The following OTUD3 variants were observed in gnomAD, a reference collection of about 807,000 sequenced individuals.
OTUD3 encodes the protein OTU domain-containing protein 3.
Under a neutral mutation model 46.2 loss-of-function variants are expected in OTUD3, and 24 were observed. The ratio of observed to expected loss-of-function variants is 0.52; its 90% CI spans 0.38 to 0.73. The LOEUF is 0.73. OTUD3 is among the 30% of genes least tolerant of loss of function. OTUD3 has a pLI of 0.00. For missense variants in OTUD3, 455 were observed against 523.3 expected (o/e 0.87, Z 1.27); for synonymous variants, 189 against 195.4 (o/e 0.97, Z 0.27).
chr1:19,897,647 A>G lies in OTUD3; in HGVS notation c.591A>G (p.Ala197=), dbSNP rs201099048. The G allele has an allele frequency of 6.2e-7, 1 of 1,613,416 alleles. No individual in the cohort carries two copies. Among genetic ancestry groups the G allele is most frequent in the African/African-American group, 1.3e-5 (1 of 74,872 alleles). ...RRINDNSEAP[A]HLQTDFQMLH... ...TCAATGACAACTCAGAGGCACCTGCACATCTCCAGACGGATGTGAGTGAGG... is the reference window on the plus strand; with the variant it reads ...TCAATGACAACTCAGAGGCACCTGCGCATCTCCAGACGGATGTGAGTGAGG... The change falls in exon 4 of 8, where the codon GCA becomes GCG. Residue 197 remains alanine (A), a synonymous_variant. Transcript: ENST00000375120.
At chr1:19,903,881 G>A (rs1395386131) in intron 4 of OTUD3, among the ~76,000 whole-genome samples, 3 of 152,188 alleles carry the variant, frequency 2.0e-5, no homozygotes, top group South Asian at 2.1e-4. Context: ...GACCAGCACC[G>A]TTTTTGTGCA....
intron 1 of OTUD3, among the ~76,000 whole-genome samples, chr1:19,888,705 C>G (rs973654109): frequency 6.6e-6 from 1 of 152,144 alleles, no homozygotes; most frequent in Non-Finnish European, 1.5e-5. Context: ...GGACCTATCT[C>G]AGAGTTGTGA....
chr1:19,899,273 C>T (rs1186329384), intron 4 of OTUD3, among the ~76,000 whole-genome samples: 1 of 152,218 alleles, frequency 6.6e-6, no homozygotes, highest in Non-Finnish European at 1.5e-5. Context: ...CTGTGGTTTA[C>T]ATACCAAGCA....
intron 1 of OTUD3, among the ~76,000 whole-genome samples, chr1:19,888,139 G>A (rs373153098): frequency 6.2e-4 from 95 of 152,332 alleles, no homozygotes; most frequent in African/African-American, 2.2e-3. Flanking sequence ...GGGGAGGGAG[G>A]TAGTGATGTG....
chr1:19,906,654 G>C (rs1038925089), intron 7 of OTUD3, 38 bp downstream of exon 7: 2 of 1,516,258 alleles, frequency 1.3e-6, no homozygotes, highest in Non-Finnish European at 1.8e-6. Context: ...GTGGTGGGCA[G>C]GTGTAATTCT....
rs191701178 is a variant in OTUD3 at position 19,906,461 on chromosome 1, C to G, written c.865C>G (p.Arg289Gly). Residue 289 changes from arginine to glycine, a missense_variant, in exon 7 of 8, where the codon CGA becomes GGA. By Grantham distance (125) the Arg-to-Gly change is moderately radical. Transcript: ENST00000375120. Reference sequence around the variant, plus strand: ...AGAAGAGAATCTTGAGCCCAGTGGTCGAGTGCTGAAGCAGTGTGGCCCTTT... The same window carrying G: ...AGAAGAGAATCTTGAGCCCAGTGGTGGAGTGCTGAAGCAGTGTGGCCCTTT... ...NAEENLEPSGRVLKQCGPLWE... is the reference protein window; with the variant it reads ...NAEENLEPSGGVLKQCGPLWE... 8 of 1,613,750 alleles carry G rather than the reference C, an allele frequency of 5.0e-6. No homozygotes were observed. The highest frequency in any genetic ancestry group is 1.3e-5 in the African/African-American group (1 of 74,880).
intron 4 of OTUD3, among the ~76,000 whole-genome samples, chr1:19,901,707 A>G (rs768111283): frequency 4.6e-5 from 7 of 152,310 alleles, no homozygotes; most frequent in South Asian, 4.1e-4. Context: ...GCAGTCACCA[A>G]TCTGCCCTTC....
chr1:19,886,783 C>T (rs539777294), intron 1 of OTUD3, among the ~76,000 whole-genome samples: 1 of 152,238 alleles, frequency 6.6e-6, no homozygotes, highest in South Asian at 2.1e-4. Context: ...CCCCAGAATG[C>T]CTGATTGAGT....
chr1:19,904,385 C>A lies in OTUD3; in HGVS notation c.725C>A (p.Ala242Glu). The change falls in exon 5 of 8, where the codon GCA (alanine) becomes GAA (glutamate). Residue 242 changes from alanine to glutamate, a missense_variant. Coordinates refer to ENST00000375120, the MANE Select transcript of OTUD3 (RefSeq NM_015207.2). Reference protein sequence around the residue: ...VEDAVQKVCNATGCSDFNLIV... With the variant: ...VEDAVQKVCNETGCSDFNLIV... ...GATGCTGTCCAGAAAGTTTGTAATGCAACTGGATGTTCAGTTAGTATTTCT... is the reference window on the plus strand; with the variant it reads ...GATGCTGTCCAGAAAGTTTGTAATGAAACTGGATGTTCAGTTAGTATTTCT... 6.2e-7 allele frequency: 1 copy of A among 1,611,334 alleles called. No homozygotes were observed. The highest frequency in any genetic ancestry group is 1.7e-5 in the Admixed American group (1 of 59,384).
At chr1:19,886,872 T>C (rs1046688773) in intron 1 of OTUD3, among the ~76,000 whole-genome samples, 1 of 152,136 alleles carries the variant, frequency 6.6e-6, no homozygotes, top group African/African-American at 2.4e-5. Context: ...GGAACACACT[T>C]TGAGAATCAG....
At chr1:19,884,855 A>C (rs976052358) in intron 1 of OTUD3, among the ~76,000 whole-genome samples, 2 of 152,212 alleles carry the variant, frequency 1.3e-5, no homozygotes, top group Non-Finnish European at 1.5e-5. Flanking sequence ...AATAATTAAA[A>C]TATAGTTTGA....
At chr1:19,896,864 G>C (rs2045524629) in intron 3 of OTUD3, among the ~76,000 whole-genome samples, 1 of 152,190 alleles carries the variant, frequency 6.6e-6, no homozygotes. Flanking sequence ...AGTTCACATA[G>C]AATACCTTGT....
chr1:19,909,616 T>C lies in OTUD3; in HGVS notation c.*1870T>C, dbSNP rs370396644. ...TGAAGATGTTTTCCTGTCTGTTTTG[T>C]ACTGCTTGAGTGCAGAGGCCAGATC... On this transcript the variant is annotated 3_prime_UTR_variant, in exon 8 of 8. Transcript: ENST00000375120. The C allele has an allele frequency of 6.6e-6, 1 of 152,386 alleles. No individual in the cohort carries two copies. The allele number at this position is 152,386 out of a possible 1,614,324, so 9.4% of individuals were successfully genotyped here.
intron 2 of OTUD3, among the ~76,000 whole-genome samples, chr1:19,892,289 G>T (rs761931177): frequency 6.6e-6 from 1 of 152,224 alleles, no homozygotes; most frequent in African/African-American, 2.4e-5. Flanking sequence ...TTGTGTGTCA[G>T]TTGAAGGCTT....
intron 4 of OTUD3, among the ~76,000 whole-genome samples, chr1:19,901,588 GTGTT>G (rs1223662503): frequency 2.0e-5 from 3 of 152,100 alleles, no homozygotes; most frequent in East Asian, 3.9e-4. Context: ...TACATCTGCA[GTGTT>G]TGTTGTACAA....
At chr1:19,899,887 G>C (rs1038894822) in intron 4 of OTUD3, among the ~76,000 whole-genome samples, 2 of 151,898 alleles carry the variant, frequency 1.3e-5, no homozygotes, top group South Asian at 4.2e-4. Flanking sequence ...TTTGTAAATG[G>C]TATTCATTTT....
Position 19,907,809 on chromosome 1 carries a change from C to G in OTUD3, c.*63C>G, listed in dbSNP as rs2045683723. 1.4e-6 allele frequency: 2 copies of G among 1,475,660 alleles called. No individual in the cohort carries two copies. Among genetic ancestry groups the G allele is most frequent in the Non-Finnish European group, 1.9e-6 (2 of 1,073,890 alleles). The allele number at this position is 1,475,660 out of a possible 1,614,324, so 91.4% of individuals were successfully genotyped here. A position where few individuals can be genotyped will look rare whatever the true frequency, so the allele number is the denominator to read the frequency against. On this transcript the variant is annotated 3_prime_UTR_variant, in exon 8 of 8. Coordinates refer to ENST00000375120, the MANE Select transcript of OTUD3 (RefSeq NM_015207.2). ...AAAGGATTGCTGTGTGCTAGACTTT[C>G]CAGTGAGGCCGTCCTTTTATAAAAC...
chr1:19,906,093 G>C (rs900125483), intron 6 of OTUD3, among the ~76,000 whole-genome samples: 1 of 152,224 alleles, frequency 6.6e-6, no homozygotes, highest in Admixed American at 6.5e-5. Flanking sequence ...ACATTGGACA[G>C]CACAGCTTTA....
chr1:19,894,594 T>C, intron 3 of OTUD3, 114 bp downstream of exon 3: 1 of 618,178 alleles, frequency 1.6e-6, no homozygotes, highest in Non-Finnish European at 2.7e-6. Flanking sequence ...AGTAACTTGG[T>C]CTACGAGCCT....
Sources: allele counts gnomAD v4.1 joint callset (sites outside exome capture counted in the v4.1 genomes callset), GRCh38; gene constraint gnomAD v4.1.1; transcripts MANE v1.5; gene names NCBI Gene and HGNC (gene_info 2026-07-23, HGNC 2026-07-21).